Variants in IQSEC3 observed in about 807,000 individuals in gnomAD.
IQSEC3 encodes the protein IQ motif and Sec7 domain ArfGEF 3.
IQSEC3 carries 50 observed loss-of-function variants against 105.4 expected under a neutral mutation model. The observed-to-expected ratio is 0.47, with a 90% CI of 0.38 to 0.60. The LOEUF (loss-of-function observed/expected upper bound fraction) is 0.60, where lower values mean the gene tolerates loss of function less well. IQSEC3 is among the 20% of genes least tolerant of loss of function. The pLI, the probability that IQSEC3 is intolerant of heterozygous loss-of-function variation, is 0.00. For synonymous variants in IQSEC3, 708 were observed against 746.0 expected, an observed-to-expected ratio of 0.95 and a Z score of 0.83; for missense variants, 1,415 against 1,630.0, an observed-to-expected ratio of 0.87 and a Z score of 2.27.
At chr12:68,777 A>G (rs1375891083) in intron 1 of IQSEC3, among the ~76,000 whole-genome samples, 3 of 152,198 alleles carry the variant, frequency 2.0e-5, no homozygotes, top group Non-Finnish European at 4.4e-5. Context: ...TTCTTTTACC[A>G]TCTGTGGTAG....
intron 1 of IQSEC3, among the ~76,000 whole-genome samples, chr12:95,643 A>G (rs1432074777): frequency 2.6e-5 from 4 of 152,198 alleles, no homozygotes; most frequent in Non-Finnish European, 5.9e-5. Flanking sequence ...GCATTCATAT[A>G]TAAATAGAGT....
At chr12:169,186 AG>A in intron 12 of IQSEC3, 81 bp downstream of exon 12, 1 of 1,130,636 alleles carries the variant, frequency 8.8e-7, no homozygotes, top group South Asian at 1.3e-5. Flanking sequence ...GGCAATCTGC[AG>A]GGAGAGGTGC....
At chr12:132,501 G>A (rs1278721074) in intron 3 of IQSEC3, among the ~76,000 whole-genome samples, 1 of 152,174 alleles carries the variant, frequency 6.6e-6, no homozygotes, top group East Asian at 1.9e-4. Flanking sequence ...AGGACACAGA[G>A]ATAGTAAGGA....
At chr12:131,342 C>A (rs1436357150) in intron 3 of IQSEC3, among the ~76,000 whole-genome samples, 1 of 152,136 alleles carries the variant, frequency 6.6e-6, no homozygotes, top group Non-Finnish European at 1.5e-5. Flanking sequence ...GCCCAGAGAC[C>A]CCCCACTCCC....
chr12:130,084 C>T (rs1226837580), intron 3 of IQSEC3, among the ~76,000 whole-genome samples: 3 of 152,208 alleles, frequency 2.0e-5, no homozygotes, highest in African/African-American at 4.8e-5. Context: ...TGGGTTGTCC[C>T]TCTCCCCGGT....
Position 104,567 on chromosome 12 carries a change from A to G in IQSEC3, c.623+5353A>G, listed in dbSNP as rs146612585. ...CCTTCCCACGCCCATTTTAAAAAAAAAAGATTTTGTAGTCTGCATTTCCCA... is the reference window on the plus strand; with the variant it reads ...CCTTCCCACGCCCATTTTAAAAAAAGAAGATTTTGTAGTCTGCATTTCCCA... On this transcript the variant is annotated intron_variant, in intron 2 of 13. Transcript: ENST00000538872. Among the ~76,000 whole-genome samples, 531 of 151,906 alleles carry G rather than the reference A, an allele frequency of 3.5e-3. 3 individuals carry two copies. The highest frequency in any genetic ancestry group is 0.012 in the African/African-American group (493 of 41,476).
chr12:76,429 G>A (rs1276060706), intron 1 of IQSEC3, among the ~76,000 whole-genome samples: 2 of 152,260 alleles, frequency 1.3e-5, no homozygotes, highest in Non-Finnish European at 2.9e-5. Flanking sequence ...GGAGTTGGAG[G>A]ACAACCCACA....
intron 4 of IQSEC3, 57 bp from the exon 5 acceptor site, chr12:141,067 A>G (rs1260352419): frequency 1.3e-6 from 2 of 1,515,506 alleles, no homozygotes; most frequent in South Asian, 1.2e-5. Flanking sequence ...CAGGGAGGAA[A>G]GAGTCATGGA....
chr12:93,442 C>T (rs1239351624), intron 1 of IQSEC3, among the ~76,000 whole-genome samples: 2 of 152,178 alleles, frequency 1.3e-5, no homozygotes, highest in African/African-American at 4.8e-5. Context: ...TTGCCAGCCC[C>T]TGGTGTCCAG....
At chr12:140,099 C>T (rs371872524) in intron 4 of IQSEC3, 14 of 152,384 alleles carry the variant, frequency 9.2e-5, no homozygotes, top group African/African-American at 2.6e-4. Flanking sequence ...CACATCTCCC[C>T]GGCCCTAATG....
chr12:117,624 G>T (rs1050458428), intron 2 of IQSEC3, among the ~76,000 whole-genome samples: 1 of 152,214 alleles, frequency 6.6e-6, no homozygotes, highest in Non-Finnish European at 1.5e-5. Flanking sequence ...GGAGGGCTGA[G>T]CCCAGAGAAG....
intron 2 of IQSEC3, among the ~76,000 whole-genome samples, chr12:102,625 T>G (rs150824320): frequency 6.6e-6 from 1 of 152,224 alleles, no homozygotes; most frequent in East Asian, 1.9e-4. Context: ...CAGAGAAGCC[T>G]CAGCCCTACC....
At chr12:115,557 A>T (rs961800942) in intron 2 of IQSEC3, among the ~76,000 whole-genome samples, 65 of 152,350 alleles carry the variant, frequency 4.3e-4, no homozygotes, top group African/African-American at 1.5e-3. Flanking sequence ...CTGGGGATGC[A>T]TAAAGGGCCC....
At chr12:90,026 A>G (rs894998685) in intron 1 of IQSEC3, among the ~76,000 whole-genome samples, 10 of 152,262 alleles carry the variant, frequency 6.6e-5, no homozygotes, top group African/African-American at 2.4e-4. Flanking sequence ...ACTATTTTGC[A>G]TTCCTTTCAG....
intron 1 of IQSEC3, among the ~76,000 whole-genome samples, chr12:75,526 G>C (rs1408551499): frequency 6.6e-6 from 1 of 152,104 alleles, no homozygotes; most frequent in Non-Finnish European, 1.5e-5. Flanking sequence ...AAGCTTGTTT[G>C]CTCCTTTCTA....
chr12:155,865 G>A (rs1488870530), intron 5 of IQSEC3, among the ~76,000 whole-genome samples: 1 of 152,162 alleles, frequency 6.6e-6, no homozygotes, highest in African/African-American at 2.4e-5. Flanking sequence ...AGGAGACTAG[G>A]GTGAGTGGGT....
chr12:133,240 G>T (rs542933783), intron 3 of IQSEC3, among the ~76,000 whole-genome samples: 1 of 152,364 alleles, frequency 6.6e-6, no homozygotes, highest in South Asian at 2.1e-4. Flanking sequence ...CTCTGATGAT[G>T]TCCAACACAG....
chr12:171,320 A>G (rs1938983470), intron 13 of IQSEC3, 159 bp downstream of exon 13: 1 of 1,613,528 alleles, frequency 6.2e-7, no homozygotes, highest in African/African-American at 1.3e-5. Flanking sequence ...AGTTACTGCT[A>G]GCATGGGTAA....
rs1342412100 is a variant in IQSEC3, at chr12:178,102, T to G, written c.*3069T>G. 7.4e-6 allele frequency: 1 copy of G among 134,592 alleles called. No homozygotes were observed. The highest frequency in any genetic ancestry group is 1.6e-5 in the Non-Finnish European group (1 of 63,678). The allele number at this position is 134,592 out of a possible 1,614,324, so 8.3% of individuals were successfully genotyped here. A position where few individuals can be genotyped will look rare whatever the true frequency, so the allele number is the denominator to read the frequency against. On this transcript the variant is annotated 3_prime_UTR_variant, in exon 14 of 14. Coordinates refer to ENST00000538872, the MANE Select transcript of IQSEC3 (RefSeq NM_001170738.2). The stretch of plus-strand genomic sequence containing the variant: ...AGCAAGCTCTACCAGCAGCGTGTCC[T>G]GGAAGCCTGCCTGCCTGCCTGCCCG...
Sources: allele counts gnomAD v4.1 joint callset (sites outside exome capture counted in the v4.1 genomes callset), GRCh38; gene constraint gnomAD v4.1.1; transcripts MANE v1.5; gene names NCBI Gene and HGNC (gene_info 2026-07-23, HGNC 2026-07-21).